Variants in ZC3H12B observed in about 807,000 individuals in gnomAD.
ZC3H12B encodes zinc finger CCCH-type containing 12B, also known as probable ribonuclease ZC3H12B.
Under a neutral mutation model 43.9 loss-of-function variants are expected in ZC3H12B, and 7 were observed. The ratio of observed to expected loss-of-function variants is 0.16; its 90% confidence interval spans 0.09 to 0.30. The LOEUF (loss-of-function observed/expected upper bound fraction) is 0.30, where lower values mean the gene tolerates loss of function less well. ZC3H12B is among the 10% of genes least tolerant of loss of function. The pLI is 1.00. For missense variants in ZC3H12B, 475 were observed against 670.2 expected (o/e 0.71, Z 3.22); for synonymous variants, 222 against 241.7 (o/e 0.92, Z 0.76).
the ZC3H12B span, among the ~76,000 whole-genome samples, chrX:65,171,482 G>A: frequency 1.1e-4 from 12 of 111,113 alleles, no homozygotes; most frequent in Non-Finnish European, 2.3e-4. Flanking sequence ...TAGGCTACTC[G>A]GGGGTCCGAG....
the ZC3H12B span, among the ~76,000 whole-genome samples, chrX:65,221,815 A>G: frequency 2.7e-5 from 3 of 111,692 alleles, no homozygotes; most frequent in African/African-American, 6.5e-5. Flanking sequence ...CAAGATATAA[A>G]AAAAAGGAAA....
chrX:65,381,142 G>A (rs914528077), intron 2 of ZC3H12B, among the ~76,000 whole-genome samples: 4 of 111,256 alleles, frequency 3.6e-5, no homozygotes, highest in Non-Finnish European at 7.5e-5. Flanking sequence ...CAAATCAACA[G>A]AATATACATT....
chrX:65,092,491 C>T, the ZC3H12B span, among the ~76,000 whole-genome samples: 1 of 111,601 alleles, frequency 9.0e-6, no homozygotes, highest in South Asian at 3.8e-4. Flanking sequence ...ACAGTGAAGG[C>T]CAGGCTCAGG....
rs777432990 is a variant in ZC3H12B, at chrX:65,408,328, C to T, written n.407+9624C>T. ...AAATGCACAAACAGACTGAAATCGC[C>T]AAGAGATTGAATACGATTTGTGCAC... is the stretch of plus-strand genomic sequence containing the variant. On this transcript the variant is annotated intron_variant and non_coding_transcript_variant, in intron 3 of 5. Coordinates refer to the ZC3H12B transcript ENST00000617377. The T allele has an allele frequency of 1.5e-5, 18 of 1,199,126 alleles. No individual in the cohort carries two copies. In the Admixed American group the frequency reaches 2.4e-4, roughly 16 times the overall value.
rs754989951 is a variant in ZC3H12B, at chrX:65,387,537, T to A, written n.296-11056T>A. Among the ~76,000 whole-genome samples the A allele has an allele frequency of 4.5e-5, 5 of 112,245 alleles. No individual in the cohort carries two copies. The East Asian group carries it at 1.4e-3, about 31-fold the overall frequency. Reference sequence around the variant, plus strand: ...TTTATTTTGAGCCTATGTGTGTCTGTGCATGTGAGATGGGTTTCCTGAATA... The same window carrying A: ...TTTATTTTGAGCCTATGTGTGTCTGAGCATGTGAGATGGGTTTCCTGAATA... On this transcript the variant is annotated intron_variant and non_coding_transcript_variant, in intron 2 of 5. Transcript: ENST00000617377.
At chrX:65,146,635 T>C in the ZC3H12B span, among the ~76,000 whole-genome samples, 24 of 111,794 alleles carry the variant, frequency 2.1e-4, no homozygotes, top group Non-Finnish European at 5.6e-5. Context: ...ATTCAGATTC[T>C]TTTGTCTCAT....
chrX:65,355,213 A>G, the ZC3H12B span, among the ~76,000 whole-genome samples: 1 of 111,634 alleles, frequency 9.0e-6, no homozygotes, highest in Admixed American at 9.5e-5. Context: ...AGCCAGAGAC[A>G]AAGGTTGGGT....
At chrX:65,045,554 C>T in the ZC3H12B span, among the ~76,000 whole-genome samples, 1 of 111,836 alleles carries the variant, frequency 8.9e-6, no homozygotes, top group Admixed American at 9.5e-5. Flanking sequence ...TCTGTCTCCC[C>T]TTCTGATTCT....
chrX:65,272,597 A>T, the ZC3H12B span: 1 of 111,912 alleles, frequency 8.9e-6, no homozygotes, highest in African/African-American at 3.3e-5. Context: ...TAATAAACTG[A>T]TGATTGGAAA....
the ZC3H12B span, among the ~76,000 whole-genome samples, chrX:65,213,580 T>C: frequency 9.0e-6 from 1 of 111,108 alleles, no homozygotes; most frequent in Admixed American, 9.8e-5. Flanking sequence ...GATCTCAGTG[T>C]TGGAGATGGA....
chrX:65,258,727 T>C, the ZC3H12B span, among the ~76,000 whole-genome samples: 14 of 111,744 alleles, frequency 1.3e-4, no homozygotes, highest in African/African-American at 4.2e-4. Flanking sequence ...AGTTTCAGGA[T>C]ACCAAATTGA....
At chrX:65,230,955 A>G in the ZC3H12B span, among the ~76,000 whole-genome samples, 1 of 112,216 alleles carries the variant, frequency 8.9e-6, no homozygotes. Context: ...GGATAAACCT[A>G]TTTGAGATAA....
the ZC3H12B span, chrX:65,330,747 G>T: frequency 7.7e-6 from 1 of 130,164 alleles, no homozygotes; most frequent in East Asian, 2.3e-4. Flanking sequence ...GCATCCCAGG[G>T]ATGAAGCCCA....
At chrX:65,465,742 C>T (rs1048444471) in intron 3 of ZC3H12B, among the ~76,000 whole-genome samples, 6 of 110,681 alleles carry the variant, frequency 5.4e-5, no homozygotes, top group Non-Finnish European at 9.5e-5. Context: ...ATTTTAATCT[C>T]TTATCTCTTT....
At chrX:65,200,891 G>C in the ZC3H12B span, among the ~76,000 whole-genome samples, 4 of 111,690 alleles carry the variant, frequency 3.6e-5, no homozygotes, top group Non-Finnish European at 5.6e-5. Context: ...GGATGAAGCG[G>C]ACTTGATCGT....
At chrX:65,209,352 G>A in the ZC3H12B span, among the ~76,000 whole-genome samples, 24 of 74,355 alleles carry the variant, frequency 3.2e-4, no homozygotes, top group African/African-American at 1.3e-3. Context: ...TGCTTTGAAT[G>A]CGTCCCACAG....
the ZC3H12B span, among the ~76,000 whole-genome samples, chrX:65,103,148 C>T: frequency 2.7e-5 from 3 of 111,034 alleles, no homozygotes; most frequent in Non-Finnish European, 3.8e-5. Context: ...TATGGGAGAC[C>T]GGGGCTTATT....
At chrX:65,053,657 G>C in the ZC3H12B span, among the ~76,000 whole-genome samples, 2 of 111,297 alleles carry the variant, frequency 1.8e-5, no homozygotes, top group Non-Finnish European at 3.8e-5. Flanking sequence ...GGTATTTCTA[G>C]TTCTAGATCC....
At chrX:65,459,283 G>C (rs1159669639) in intron 3 of ZC3H12B, among the ~76,000 whole-genome samples, 6 of 111,944 alleles carry the variant, frequency 5.4e-5, no homozygotes, top group Non-Finnish European at 1.1e-4. Context: ...GAGGTAAAAG[G>C]AGGAGATGGT....
Sources: gnomAD v4.1 joint callset for allele counts (sites outside exome capture counted in the v4.1 genomes callset) on GRCh38, gnomAD v4.1.1 for gene constraint, MANE v1.5 for transcripts, NCBI Gene and HGNC (gene_info 2026-07-23, HGNC 2026-07-21) for gene names.